The following FAHD1 variants were observed in gnomAD, a reference collection of about 807,000 sequenced individuals.
FAHD1 encodes FAH domain containing oxaloacetate decarboxylase 1, also known as oxaloacetate tautomerase FAHD1, mitochondrial.
FAHD1 carries 14 observed loss-of-function variants against 12.7 expected under a neutral mutation model. That is an observed-to-expected ratio of 1.10 (90% CI 0.73 to 1.72). FAHD1 has a LOEUF of 1.72. Among genes scored for constraint, FAHD1 ranks in the 40% most tolerant of loss-of-function variants. The probability of loss-of-function intolerance (pLI) is 0.00; values close to 1 mark genes in which losing one functional copy is unlikely to be tolerated. For synonymous variants in FAHD1, 153 were observed against 124.9 expected, an observed-to-expected ratio of 1.22 and a Z score of -1.50; for missense variants, 351 against 298.9, an observed-to-expected ratio of 1.17 and a Z score of -1.29.
rs188286529 is a variant in FAHD1 at position 1,836,034 on chromosome 16, A to G, written c.628-1982A>G. On this transcript the variant is annotated intron_variant, in intron 1 of 2. Transcript: ENST00000382666. ...GCCACCATGCCTGGCTAATTTTTGTAGTTTTAGCAGAGATGGGGTTTCACC... is the reference window on the plus strand; with the variant it reads ...GCCACCATGCCTGGCTAATTTTTGTGGTTTTAGCAGAGATGGGGTTTCACC... 1.9e-3 allele frequency among the ~76,000 whole-genome samples: 286 copies of G among 152,026 alleles called. 2 individuals are homozygous for G. The highest frequency in any genetic ancestry group is 6.5e-3 in the African/African-American group (271 of 41,492).
chr16:1,827,252 G>T (rs772713495), exon 1 of FAHD1: 1 of 1,609,212 alleles, frequency 6.2e-7, no homozygotes, highest in South Asian at 1.1e-5. Flanking sequence ...GCAGCATCCA[G>T]GCCATTGTCC....
At chr16:1,836,999 C>G (rs1043004096) in intron 1 of FAHD1, among the ~76,000 whole-genome samples, 17 of 152,112 alleles carry the variant, frequency 1.1e-4, no homozygotes, top group African/African-American at 3.6e-4. Context: ...TGGGTCCAGT[C>G]TCACCTGTGA....
intron 1 of FAHD1, chr16:1,834,398 G>T: frequency 1.6e-6 from 2 of 1,230,062 alleles, no homozygotes; most frequent in Non-Finnish European, 2.4e-6. Flanking sequence ...GAGACAAAAG[G>T]TTAATTTTTA....
downstream of FAHD1, among the ~76,000 whole-genome samples, chr16:1,832,254 TC>T: frequency 7.4e-6 from 1 of 134,756 alleles, no homozygotes; most frequent in South Asian, 2.3e-4. Flanking sequence ...CACTGCAAGC[TC>T]CGCCTCCCGG....
exon 1 of FAHD1, chr16:1,827,802 G>T (rs774951188): frequency 2.7e-5 from 43 of 1,613,996 alleles, no homozygotes; most frequent in Non-Finnish European, 8.5e-7. Context: ...TCTTGACTGG[G>T]ACGCCAAAGG....
intron 1 of FAHD1, among the ~76,000 whole-genome samples, chr16:1,835,846 CT>C (rs1898730944): frequency 6.8e-6 from 1 of 147,276 alleles, no homozygotes; most frequent in African/African-American, 2.5e-5. Context: ...TGTATCTATT[CT>C]TCCAATTCCT....
chr16:1,829,380 C>T (rs1164276123), downstream of FAHD1, among the ~76,000 whole-genome samples: 2 of 152,162 alleles, frequency 1.3e-5, no homozygotes, highest in African/African-American at 4.8e-5. Context: ...AGTATGATCA[C>T]TACCATCCCC....
At chr16:1,836,757 CATA>C (rs2142073205) in intron 1 of FAHD1, among the ~76,000 whole-genome samples, 1 of 147,362 alleles carries the variant, frequency 6.8e-6, no homozygotes, top group South Asian at 2.1e-4. Context: ...AAACTAATTT[CATA>C]ATAACACTAA....
At chr16:1,837,366 T>C (rs1166814104) in intron 1 of FAHD1, among the ~76,000 whole-genome samples, 2 of 152,090 alleles carry the variant, frequency 1.3e-5, no homozygotes, top group African/African-American at 4.8e-5. Flanking sequence ...CAACCTAGTC[T>C]GACCTTTTGG....
At chr16:1,834,570 C>A (rs901473672) in intron 1 of FAHD1, among the ~76,000 whole-genome samples, 1 of 152,160 alleles carries the variant, frequency 6.6e-6, no homozygotes, top group Non-Finnish European at 1.5e-5. Context: ...CAGCTTCTGA[C>A]TGATTTTGTA....
rs150321971 is a variant in FAHD1 at position 1,839,739 on chromosome 16, G to A, written c.*486G>A. The A allele has an allele frequency of 2.1e-3, 618 of 291,498 alleles. 3 individuals carry two copies. The highest frequency in any genetic ancestry group is 0.012 in the African/African-American group (544 of 45,318). 18.1% of individuals were successfully genotyped at this position (291,498 alleles called of 1,614,324 possible). The stretch of plus-strand genomic sequence containing the variant: ...TTCCTTGCTGGGGCCCTCCCTTCTC[G>A]TATCCCAGCCTGCAGCCTTTCTCTC... On this transcript the variant is annotated 3_prime_UTR_variant, in exon 3 of 3. Coordinates refer to the FAHD1 transcript ENST00000382666.
At chr16:1,833,834 C>T (rs1898669113), downstream of FAHD1, among the ~76,000 whole-genome samples, 1 of 152,166 alleles carries the variant, frequency 6.6e-6, no homozygotes, top group African/African-American at 2.4e-5. Context: ...AGGCATGAGC[C>T]ACCGTGCCCA....
chr16:1,833,564 T>TC (rs1898663568), downstream of FAHD1, among the ~76,000 whole-genome samples: 3 of 148,466 alleles, frequency 2.0e-5, no homozygotes, highest in Non-Finnish European at 4.5e-5. Context: ...CTTTTTTTTT[T>TC]TTTTTTTTTT....
chr16:1,831,451 G>A (rs1299396005), downstream of FAHD1, among the ~76,000 whole-genome samples: 4 of 152,172 alleles, frequency 2.6e-5, no homozygotes, highest in Non-Finnish European at 5.9e-5. Flanking sequence ...GGAGCGAGGA[G>A]TCTGTTGGCA....
In FAHD1 at chr16:1,827,959, G is replaced by A. The variant is rs892991521; in HGVS notation, c.*55G>A. The A allele has an allele frequency of 2.5e-6, 4 of 1,570,832 alleles. No individual in the cohort carries two copies. The East Asian group carries it at 6.7e-5, about 26-fold the overall frequency. On this transcript the variant is annotated 3_prime_UTR_variant, in exon 1 of 1. Coordinates refer to ENST00000427358, the Ensembl canonical transcript of FAHD1. ...GGGAGCAAGACAAGAGCAAGCAACG[G>A]CTATTAAATGTCACAATCCTTTAAT...
chr16:1,834,225 A>T, intron 1 of FAHD1: 8 of 1,182,714 alleles, frequency 6.8e-6, no homozygotes, highest in Non-Finnish European at 8.8e-6. Context: ...AAACTCTTAT[A>T]CTTTTCCAGA....
At chr16:1,837,953 T>C (rs1898793195) in intron 1 of FAHD1, 3 of 1,449,552 alleles carry the variant, frequency 2.1e-6, no homozygotes, top group Non-Finnish European at 1.8e-6. Flanking sequence ...AAACAAACTT[T>C]CTCATTAGAA....
chr16:1,831,661 C>G (rs1272588803), downstream of FAHD1, among the ~76,000 whole-genome samples: 8 of 152,292 alleles, frequency 5.3e-5, 1 homozygote, highest in South Asian at 1.7e-3. Context: ...GTCCCCCAAC[C>G]TCCAGGCCAC....
chr16:1,830,154 T>A (rs238681), downstream of FAHD1, among the ~76,000 whole-genome samples: 1 of 152,266 alleles, frequency 6.6e-6, no homozygotes, highest in African/African-American at 2.4e-5. Context: ...TGAGCCACCG[T>A]GCCCAGCTAT....
Sources: gnomAD v4.1 joint callset for allele counts (sites outside exome capture counted in the v4.1 genomes callset) on GRCh38, gnomAD v4.1.1 for gene constraint, MANE v1.5 for transcripts, NCBI Gene and HGNC (gene_info 2026-07-23, HGNC 2026-07-21) for gene names.